Variants in DYNC2H1 observed in about 807,000 individuals in gnomAD.
DYNC2H1 encodes the protein cytoplasmic dynein 2 heavy chain 1.
In DYNC2H1, 410 loss-of-function variants were observed where a neutral mutation model predicts 570.0. The ratio of observed to expected loss-of-function variants is 0.72; its 90% CI spans 0.66 to 0.78. DYNC2H1 has a LOEUF of 0.78. Among genes scored for constraint, DYNC2H1 ranks in the 30% least tolerant of loss-of-function variants. DYNC2H1 has a pLI of 0.00. For synonymous variants in DYNC2H1, 1,688 were observed against 1,677.6 expected (o/e 1.01, Z -0.15); for missense variants, 4,865 against 5,046.4 (o/e 0.96, Z 1.09).
intron 80 of DYNC2H1, among the ~76,000 whole-genome samples, chr11:103,320,345 T>A (rs1196786601): frequency 1.3e-5 from 2 of 152,140 alleles, no homozygotes; most frequent in East Asian, 3.9e-4. Flanking sequence ...GACAAAGCAG[T>A]GAGCTGAGAT....
chr11:103,357,919 T>C (rs1312897789), intron 82 of DYNC2H1, among the ~76,000 whole-genome samples: 1 of 152,164 alleles, frequency 6.6e-6, no homozygotes, highest in East Asian at 1.9e-4. Context: ...TATTGCACTC[T>C]AGCCTGGGTG....
At position 103,243,256 on chromosome 11, in the gene DYNC2H1, TATAGATAGATAGATAG is replaced by T. The variant is rs58016632; in HGVS notation, c.9820-401_9820-386del. Among the ~76,000 whole-genome samples, 359 of 146,606 alleles carry T rather than the reference TATAGATAGATAGATAG, an allele frequency of 2.4e-3. 2 individuals carry two copies. The highest frequency in any genetic ancestry group is 0.012 in the South Asian group (55 of 4,422). ...TTATAGTTTTTATTCAAACAAAGAA[TATAGATAGATAGATAG>T]ATAGATAGATAGATAGATAGATAGA... On this transcript the variant is annotated intron_variant, in intron 63 of 88. Transcript: ENST00000375735. This position sits in a 1 kb window ranked among gnomAD's most constrained non-coding sequence, Gnocchi z 4.8.
chr11:103,385,702 C>G (rs1446794880), intron 83 of DYNC2H1, among the ~76,000 whole-genome samples: 1 of 152,212 alleles, frequency 6.6e-6, no homozygotes, highest in African/African-American at 2.4e-5. Context: ...GGAATCATCT[C>G]TAGGTCATCT....
chr11:103,471,646 A>C (rs1270953173), intron 88 of DYNC2H1, among the ~76,000 whole-genome samples: 1 of 152,164 alleles, frequency 6.6e-6, no homozygotes, highest in Non-Finnish European at 1.5e-5. Flanking sequence ...GTTTTATCTT[A>C]TTTCATATGG....
chr11:103,263,122 T>C (rs1235944048), intron 70 of DYNC2H1, among the ~76,000 whole-genome samples: 1 of 147,034 alleles, frequency 6.8e-6, no homozygotes, highest in African/African-American at 2.5e-5. Flanking sequence ...GGGCATTGCA[T>C]ATGGTAAAGG....
rs1260898049 is a variant in DYNC2H1, at chr11:103,186,755, T to C, written c.6893+254T>C. Among the ~76,000 whole-genome samples the C allele has an allele frequency of 4.2e-5, 5 of 119,598 alleles. No homozygotes were observed. The highest frequency in any genetic ancestry group is 7.1e-5 in the Non-Finnish European group (4 of 56,546). The allele number at this position is 119,598 out of a possible 152,430, so 78.5% of individuals were successfully genotyped here. A position where few individuals can be genotyped will look rare whatever the true frequency, so the allele number is the denominator to read the frequency against. On this transcript the variant is annotated intron_variant, in intron 42 of 88. Transcript: ENST00000375735. The surrounding 1 kb of genome is among the most constrained non-coding windows in gnomAD (Gnocchi z 4.5). ...TCTTAAAAATTATCCGTCCATATAA[T>C]ACAGCAAAAAAAAAAAAAAGAATGC...
intron 54 of DYNC2H1, among the ~76,000 whole-genome samples, chr11:103,214,665 A>G (rs1465450206): frequency 6.6e-6 from 1 of 151,470 alleles, no homozygotes; most frequent in East Asian, 1.9e-4. Flanking sequence ...CTGGTCTGGA[A>G]CTCCTGACCT....
chr11:103,191,970 C>T (rs1862334551), intron 46 of DYNC2H1, 127 bp from the exon 47 acceptor site: 4 of 694,302 alleles, frequency 5.8e-6, no homozygotes, highest in Admixed American at 3.7e-5. Flanking sequence ...ACTTTTTTTC[C>T]TTTCTTCCAT....
chr11:103,468,814 T>A, intron 88 of DYNC2H1, 109 bp downstream of exon 88: 2 of 790,496 alleles, frequency 2.5e-6, no homozygotes, highest in East Asian at 2.8e-5. Flanking sequence ...CTTTCTAATC[T>A]CACCTGCATT....
intron 88 of DYNC2H1, among the ~76,000 whole-genome samples, chr11:103,474,797 G>C (rs1327626080): frequency 2.0e-5 from 3 of 152,198 alleles, no homozygotes; most frequent in Non-Finnish European, 4.4e-5. Flanking sequence ...TATATATAGG[G>C]TTTGGCACCA....
At chr11:103,117,989 A>G (rs1858503110) in intron 6 of DYNC2H1, 126 bp downstream of exon 6, 6 of 757,018 alleles carry the variant, frequency 7.9e-6, no homozygotes, top group Non-Finnish European at 1.1e-5. Context: ...AGAGAATAGG[A>G]ATTAAAGTTC....
chr11:103,428,160 A>G (rs1386255627), intron 84 of DYNC2H1, among the ~76,000 whole-genome samples: 1 of 149,794 alleles, frequency 6.7e-6, no homozygotes, highest in African/African-American at 2.5e-5. Flanking sequence ...AGTCAAATGG[A>G]TATATGGTCT....
At chr11:103,116,012 A>G (rs924526804) in intron 4 of DYNC2H1, among the ~76,000 whole-genome samples, 4 of 152,170 alleles carry the variant, frequency 2.6e-5, no homozygotes, top group African/African-American at 4.8e-5. Flanking sequence ...TTGAGTGACC[A>G]TTTTAAGTAT....
At chr11:103,260,384 T>G (rs977124564) in intron 70 of DYNC2H1, among the ~76,000 whole-genome samples, 10 of 152,198 alleles carry the variant, frequency 6.6e-5, no homozygotes, top group Admixed American at 6.5e-4. Context: ...CAGCATTCCT[T>G]CCCATCAATT....
intron 20 of DYNC2H1, 37 bp from the exon 21 acceptor site, chr11:103,152,099 T>G: frequency 6.8e-7 from 1 of 1,476,210 alleles, no homozygotes; most frequent in Non-Finnish European, 9.1e-7. Context: ...ATAAAATAGG[T>G]TGTTATTCAA....
chr11:103,435,181 A>G (rs1034031739), intron 84 of DYNC2H1, among the ~76,000 whole-genome samples: 10 of 152,090 alleles, frequency 6.6e-5, no homozygotes, highest in Admixed American at 2.6e-4. Flanking sequence ...CCCATTTTCT[A>G]TACATTGTTG....
intron 82 of DYNC2H1, among the ~76,000 whole-genome samples, chr11:103,335,308 A>T (rs941683559): frequency 1.3e-5 from 2 of 152,222 alleles, no homozygotes; most frequent in Admixed American, 1.3e-4. Context: ...TAATGACTAT[A>T]CAGTTCCTGG....
At position 103,185,866 on chromosome 11, in the gene DYNC2H1, G is replaced by A. The variant is rs1862044647; in HGVS notation, c.6634-376G>A. Among the ~76,000 whole-genome samples, 1 of 151,976 alleles carries A rather than the reference G, an allele frequency of 6.6e-6. No individual in the cohort carries two copies. The highest frequency in any genetic ancestry group is 1.5e-5 in the Non-Finnish European group (1 of 67,936). On this transcript the variant is annotated intron_variant, in intron 41 of 88. Coordinates refer to ENST00000375735, the MANE Select transcript of DYNC2H1 (RefSeq NM_001377.3). This position sits in a 1 kb window ranked among gnomAD's most constrained non-coding sequence, Gnocchi z 4.5. Reference sequence around the variant, plus strand: ...TAAAAAGAAGAATAACAGGTGGAGAGCAGTGGTAGTGACACTGTGATGGAC... The same window carrying A: ...TAAAAAGAAGAATAACAGGTGGAGAACAGTGGTAGTGACACTGTGATGGAC...
intron 79 of DYNC2H1, among the ~76,000 whole-genome samples, 161 bp downstream of exon 79, chr11:103,312,194 A>G (rs913512695): frequency 4.6e-5 from 7 of 152,174 alleles, no homozygotes; most frequent in Non-Finnish European, 1.0e-4. Context: ...CAGCCTGACC[A>G]ACATGGGGAA....
Sources: gnomAD v4.1 joint callset for allele counts (sites outside exome capture counted in the v4.1 genomes callset) on GRCh38, gnomAD v4.1.1 for gene constraint, Gnocchi (gnomAD v3.1) non-coding constraint, MANE v1.5 for transcripts, NCBI Gene and HGNC (gene_info 2026-07-23, HGNC 2026-07-21) for gene names.